Variants in PHF21B observed in about 807,000 individuals in gnomAD.
PHF21B encodes PHD finger protein 4.
Under a neutral mutation model 62.2 loss-of-function variants are expected in PHF21B, and 22 were observed. The ratio of observed to expected loss-of-function variants is 0.35; its 90% CI spans 0.25 to 0.51. The LOEUF (loss-of-function observed/expected upper bound fraction) is 0.51, where lower values mean the gene tolerates loss of function less well. PHF21B is among the 20% of genes least tolerant of loss of function. The pLI, the probability that PHF21B is intolerant of heterozygous loss-of-function variation, is 0.97. For synonymous variants in PHF21B, 341 were observed against 314.7 expected (o/e 1.08, Z -0.88); for missense variants, 701 against 707.9 (o/e 0.99, Z 0.11).
chr22:44,882,899 C>T lies in PHF21B; in HGVS notation c.*187G>A. 1.5e-6 allele frequency: 1 copy of T among 686,038 alleles called. No individual in the cohort carries two copies. The highest frequency in any genetic ancestry group is 2.3e-6 in the Non-Finnish European group (1 of 426,184). The allele number at this position is 686,038 out of a possible 1,614,324, so 42.5% of individuals were successfully genotyped here. ...GTACCCCCTGTGAATTTGGAGGGCA[C>T]AGGGCCGCACCCCCACCTGGTCCTG... On this transcript the variant is annotated 3_prime_UTR_variant, in exon 13 of 13. Transcript: ENST00000313237.
intron 5 of PHF21B, among the ~76,000 whole-genome samples, chr22:44,911,433 T>G (rs4823416): frequency 0.13 from 19,419 of 152,014 alleles, 1,635 homozygotes; most frequent in African/African-American, 0.24. Flanking sequence ...GGAAAAAATG[T>G]TTTCTTAGGC....
chr22:44,928,143 G>A (rs2071669449), intron 2 of PHF21B, among the ~76,000 whole-genome samples: 1 of 152,128 alleles, frequency 6.6e-6, no homozygotes, highest in Non-Finnish European at 1.5e-5. Flanking sequence ...CTCTGCCAGG[G>A]CAGAGGGGTT....
intron 2 of PHF21B, among the ~76,000 whole-genome samples, chr22:44,993,555 C>G (rs561569682): frequency 6.6e-6 from 1 of 152,390 alleles, no homozygotes; most frequent in East Asian, 1.9e-4. Context: ...CTCCCACACA[C>G]GGCAACGTGC....
intron 2 of PHF21B, among the ~76,000 whole-genome samples, chr22:44,995,793 C>T (rs1160179815): frequency 2.0e-5 from 3 of 149,924 alleles, no homozygotes; most frequent in Non-Finnish European, 3.0e-5. Flanking sequence ...CCCCCCCGCC[C>T]CCCACCTCCA....
intron 2 of PHF21B, among the ~76,000 whole-genome samples, chr22:45,004,816 A>G (rs770808050): frequency 3.3e-5 from 5 of 152,200 alleles, no homozygotes; most frequent in Non-Finnish European, 7.3e-5. Context: ...CTTTCAAGAC[A>G]ACGTACTTTT....
chr22:44,945,959 C>T lies in PHF21B; in HGVS notation c.121-25469G>A, dbSNP rs151333224. 2.9e-3 allele frequency among the ~76,000 whole-genome samples: 438 copies of T among 152,274 alleles called. 5 individuals carry two copies. Among genetic ancestry groups the T allele is most frequent in the African/African-American group, 0.01 (420 of 41,556 alleles). On this transcript the variant is annotated intron_variant, in intron 2 of 12. Transcript: ENST00000313237. Reference sequence around the variant, plus strand: ...GTTCCTTCTGCCTGGGTCGCTCTGTCCCCTGCCTCTTGCCCAAGTCACCCA... The same window carrying T: ...GTTCCTTCTGCCTGGGTCGCTCTGTTCCCTGCCTCTTGCCCAAGTCACCCA...
rs546840869 is a variant in PHF21B, at chr22:44,949,844, AG to A, written c.121-29355del. Among the ~76,000 whole-genome samples, 188 of 149,414 alleles carry A rather than the reference AG, an allele frequency of 1.3e-3. 2 individuals carry two copies. Among genetic ancestry groups the A allele is most frequent in the African/African-American group, 4.5e-3 (182 of 40,212 alleles). On this transcript the variant is annotated intron_variant, in intron 2 of 12. Transcript: ENST00000313237. ...CATCCTGCAAAACGTTCTTAAGTTC[AG>A]GTGATTTTTTCGGCACCGCTGCAAG...
chr22:44,945,359 T>G (rs1337798815), intron 2 of PHF21B, among the ~76,000 whole-genome samples: 2 of 152,198 alleles, frequency 1.3e-5, no homozygotes, highest in Admixed American at 6.5e-5. Context: ...CTGAGTGACA[T>G]GAAGCATGGG....
intron 2 of PHF21B, chr22:44,966,901 G>C (rs1381502404): frequency 6.6e-6 from 1 of 152,128 alleles, no homozygotes; most frequent in Admixed American, 6.6e-5. Context: ...TTGCAAGGCT[G>C]ATCTGTCTCC....
At chr22:44,967,423 G>A (rs1402563261) in intron 2 of PHF21B, among the ~76,000 whole-genome samples, 1 of 151,968 alleles carries the variant, frequency 6.6e-6, no homozygotes, top group Non-Finnish European at 1.5e-5. Flanking sequence ...GGGTTTCACC[G>A]TGTTAGCCAG....
At chr22:44,958,566 T>C (rs1002142247) in intron 2 of PHF21B, among the ~76,000 whole-genome samples, 11 of 151,548 alleles carry the variant, frequency 7.3e-5, no homozygotes, top group Admixed American at 6.6e-5. Context: ...CTTTGAGAGA[T>C]CTCCTCAGCT....
intron 5 of PHF21B, among the ~76,000 whole-genome samples, chr22:44,896,499 C>T (rs1408058300): frequency 2.6e-5 from 4 of 152,018 alleles, no homozygotes; most frequent in African/African-American, 7.3e-5. Context: ...ACTGGATACA[C>T]GTATTCAAAT....
At chr22:44,911,429 A>C (rs1281297493) in intron 5 of PHF21B, among the ~76,000 whole-genome samples, 2 of 152,144 alleles carry the variant, frequency 1.3e-5, no homozygotes, top group East Asian at 3.9e-4. Flanking sequence ...AGGAGGAAAA[A>C]ATGTTTTCTT....
chr22:44,954,814 G>T (rs1043503460), intron 2 of PHF21B, among the ~76,000 whole-genome samples: 26 of 152,194 alleles, frequency 1.7e-4, no homozygotes, highest in Admixed American at 1.6e-3. Context: ...GAGTGGTCTG[G>T]CCCCGCTGGA....
rs1208249344 is a variant in PHF21B at position 44,980,626 on chromosome 22, C to T, written c.120+27919G>A. On this transcript the variant is annotated intron_variant, in intron 2 of 12. Coordinates refer to ENST00000313237, the MANE Select transcript of PHF21B (RefSeq NM_138415.5). ...GCCATCAGAGGCAAATTCAGGGCAG[C>T]TGCGAAGCTTCCAAATCCATACAAG... Among the ~76,000 whole-genome samples the T allele has an allele frequency of 3.3e-5, 5 of 152,344 alleles. No homozygotes were observed. In the East Asian group the frequency reaches 9.6e-4, roughly 29 times the overall value.
chr22:44,952,054 C>T (rs578184139), intron 2 of PHF21B, among the ~76,000 whole-genome samples: 6 of 152,116 alleles, frequency 3.9e-5, no homozygotes, highest in Admixed American at 1.3e-4. Context: ...ATTAAGAAAA[C>T]AGAACTGGCT....
intron 2 of PHF21B, among the ~76,000 whole-genome samples, chr22:44,951,948 T>C (rs185687325): frequency 6.6e-6 from 1 of 152,346 alleles, no homozygotes; most frequent in Non-Finnish European, 1.5e-5. Context: ...GAAATAAAGA[T>C]TCCGAGTAAC....
chr22:44,947,991 C>G (rs1246017836), intron 2 of PHF21B, among the ~76,000 whole-genome samples: 1 of 152,174 alleles, frequency 6.6e-6, no homozygotes, highest in East Asian at 1.9e-4. Flanking sequence ...CGCTGTTGTC[C>G]CTCCTCCCCG....
chr22:44,962,943 A>C (rs2072453880), intron 2 of PHF21B, among the ~76,000 whole-genome samples: 1 of 152,200 alleles, frequency 6.6e-6, no homozygotes, highest in Non-Finnish European at 1.5e-5. Context: ...TGATGATAAA[A>C]CAAATCATGA....
Sources: gnomAD v4.1 joint callset for allele counts (sites outside exome capture counted in the v4.1 genomes callset) on GRCh38, gnomAD v4.1.1 for gene constraint, MANE v1.5 for transcripts, NCBI Gene and HGNC (gene_info 2026-07-23, HGNC 2026-07-21) for gene names.